Variants in TYW3 observed in about 807,000 individuals in gnomAD.
TYW3 encodes the protein tRNA-yW synthesizing protein 3 homolog.
Under a neutral mutation model 23.1 loss-of-function variants are expected in TYW3, and 26 were observed. That is an observed-to-expected ratio of 1.13 (90% confidence interval 0.83 to 1.56). The LOEUF (loss-of-function observed/expected upper bound fraction) is 1.56. TYW3 is among the 40% of genes most tolerant of loss of function. TYW3 has a pLI of 0.00. For missense variants in TYW3, 316 were observed against 311.9 expected, an observed-to-expected ratio of 1.01 and a Z score of -0.10; for synonymous variants, 102 against 105.7, an observed-to-expected ratio of 0.97 and a Z score of 0.21.
rs760313363 is a variant in TYW3 at position 74,733,263 on chromosome 1, T to A, written c.19T>A (p.Phe7Ile). ...GTCACCCATGGATCGCAGCGCGGAG[T>A]TCAGGAAATGGAAGGCGCAATGTTT... MDRSAEFRKWKAQCLSK... is the reference protein window; with the variant it reads MDRSAEIRKWKAQCLSK... The change falls in exon 1 of 6, where the codon TTC becomes ATC. Residue 7 changes from phenylalanine to isoleucine, a missense_variant. By Grantham distance (21) the Phe-to-Ile change is conservative. Transcript: ENST00000370867. 1 of 1,613,668 alleles carries A rather than the reference T, an allele frequency of 6.2e-7. No homozygotes were observed. The highest frequency in any genetic ancestry group is 8.5e-7 in the Non-Finnish European group (1 of 1,179,916).
chr1:74,745,383 TCCATTTTACAGAGTGCTGATTGGC>T (rs1342741286), intron 3 of TYW3, among the ~76,000 whole-genome samples: 4 of 152,150 alleles, frequency 2.6e-5, no homozygotes, highest in South Asian at 4.1e-4. Context: ...AGCTGATTGG[TCCATTTTACAGAGTGCTGATTGGC>T]CCATTTTACA....
intron 5 of TYW3, among the ~76,000 whole-genome samples, chr1:74,753,398 C>G (rs541369588): frequency 1.3e-5 from 2 of 152,274 alleles, no homozygotes; most frequent in South Asian, 4.2e-4. Context: ...ATTCCTGTTG[C>G]TTAACTTGCC....
chr1:74,746,727 AG>A (rs1648578155), intron 3 of TYW3, among the ~76,000 whole-genome samples: 1 of 152,216 alleles, frequency 6.6e-6, no homozygotes, highest in Non-Finnish European at 1.5e-5. Context: ...CTAGAGAGTC[AG>A]GGGAGAGCTG....
At chr1:74,754,174 TTC>T (rs1040844067) in intron 5 of TYW3, among the ~76,000 whole-genome samples, 2 of 152,228 alleles carry the variant, frequency 1.3e-5, no homozygotes, top group African/African-American at 2.4e-5. Flanking sequence ...CAAATCAGTT[TTC>T]TCTGTTTCCT....
At chr1:74,735,612 C>CCAG (rs781126012) in intron 1 of TYW3, among the ~76,000 whole-genome samples, 29 of 152,200 alleles carry the variant, frequency 1.9e-4, no homozygotes, top group Non-Finnish European at 3.5e-4. Context: ...TAAGATGAAG[C>CCAG]CAGCGATGGC....
chr1:74,738,896 G>T, intron 3 of TYW3, 108 bp downstream of exon 3: 1 of 619,460 alleles, frequency 1.6e-6, no homozygotes, highest in Non-Finnish European at 2.6e-6. Flanking sequence ...TATTCAACTA[G>T]TTATGTATAT....
At chr1:74,761,193 ACT>A (rs1212723102) in intron 5 of TYW3, among the ~76,000 whole-genome samples, 1 of 152,054 alleles carries the variant, frequency 6.6e-6, no homozygotes, top group Non-Finnish European at 1.5e-5. Context: ...CTTACTGAGT[ACT>A]GTTTCTCAAA....
chr1:74,761,959 G>A (rs61524157), intron 5 of TYW3, among the ~76,000 whole-genome samples: 9,183 of 152,120 alleles, frequency 0.06, 343 homozygotes, highest in African/African-American at 0.09. Flanking sequence ...ACGGAAGGAT[G>A]TAAAGGGTGC....
At chr1:74,763,798 C>G in intron 5 of TYW3, 96 bp from the exon 6 acceptor site, 9 of 837,030 alleles carry the variant, frequency 1.1e-5, no homozygotes, top group Non-Finnish European at 1.7e-5. Context: ...TAATATGGGA[C>G]ATAGTCAAAT....
At chr1:74,763,272 C>T (rs967975375) in intron 5 of TYW3, among the ~76,000 whole-genome samples, 1 of 152,006 alleles carries the variant, frequency 6.6e-6, no homozygotes, top group Admixed American at 6.6e-5. Flanking sequence ...TGGCTAAAAA[C>T]TCACATCACA....
chr1:74,751,867 A>AG lies in TYW3; in HGVS notation c.427-424dup, dbSNP rs1300097948. 3.3e-5 allele frequency among the ~76,000 whole-genome samples: 5 copies of AG among 152,304 alleles called. No homozygotes were observed. In the East Asian group the frequency reaches 7.7e-4, roughly 24 times the overall value. On this transcript the variant is annotated intron_variant, in intron 4 of 5. Coordinates refer to ENST00000370867, the MANE Select transcript of TYW3 (RefSeq NM_138467.3). Reference sequence around the variant, plus strand: ...CTCCTGTGTATGATAGAGGAGGCATAGTTTACTCTTGTAACTGTGCTCTGC... The same window carrying AG: ...CTCCTGTGTATGATAGAGGAGGCATAGGTTTACTCTTGTAACTGTGCTCTGC...
Position 74,733,371 on chromosome 1 carries a change from T to C in TYW3, c.127T>C (p.Phe43Leu), listed in dbSNP as rs764267872. ...GCAGTTTCTGAACATGCGAGATCAGTTTTTCACCACCAGCTCCTGCGCTGG... is the reference window on the plus strand; with the variant it reads ...GCAGTTTCTGAACATGCGAGATCAGCTTTTCACCACCAGCTCCTGCGCTGG... Reference protein sequence around the residue: ...LVQFLNMRDQFFTTSSCAGRI... With the variant: ...LVQFLNMRDQLFTTSSCAGRI... Residue 43 changes from phenylalanine to leucine, a missense_variant, in exon 1 of 6, where the codon TTT (phenylalanine) becomes CTT (leucine). Physicochemically the swap from Phe to Leu is conservative, Grantham distance 22. Transcript: ENST00000370867. The C allele has an allele frequency of 6.2e-7, 1 of 1,614,098 alleles. No individual in the cohort carries two copies. The highest frequency in any genetic ancestry group is 8.5e-7 in the Non-Finnish European group (1 of 1,180,012).
In TYW3 at chr1:74,764,995, A is replaced by G. The variant is rs1221480333; in HGVS notation, c.*882A>G. ...CATGGAGGTAGACAGTGTTTCCTTA[A>G]TATGGCTGCATATCAGAATTACCTA... On this transcript the variant is annotated 3_prime_UTR_variant, in exon 6 of 6. Transcript: ENST00000370867. The G allele has an allele frequency of 6.6e-6, 1 of 152,168 alleles. No homozygotes were observed. Among genetic ancestry groups the G allele is most frequent in the African/African-American group, 2.4e-5 (1 of 41,460 alleles). The allele number at this position is 152,168 out of a possible 1,614,324, so 9.4% of individuals were successfully genotyped here. A position where few individuals can be genotyped will look rare whatever the true frequency, so the allele number is the denominator to read the frequency against.
intron 1 of TYW3, 98 bp from the exon 2 acceptor site, chr1:74,736,444 A>T (rs1341504902): frequency 2.5e-6 from 2 of 792,408 alleles, no homozygotes; most frequent in African/African-American, 3.6e-5. Flanking sequence ...CTGACTTGGG[A>T]TTATTAATTT....
intron 3 of TYW3, among the ~76,000 whole-genome samples, chr1:74,743,994 C>T (rs1276440600): frequency 6.6e-6 from 1 of 152,104 alleles, no homozygotes; most frequent in Non-Finnish European, 1.5e-5. Context: ...GACATGTACC[C>T]AAGTTGGGCC....
chr1:74,765,959 T>G lies in TYW3; in HGVS notation c.*1846T>G, dbSNP rs1649293950. ...AAACCTAAGAAGACATTGAATCCCA[T>G]TCACTCCTTAACATTCCTTAATATA... On this transcript the variant is annotated 3_prime_UTR_variant, in exon 6 of 6. Transcript: ENST00000370867. 1 of 152,174 alleles carries G rather than the reference T, an allele frequency of 6.6e-6. No homozygotes were observed. Among genetic ancestry groups the G allele is most frequent in the East Asian group, 1.9e-4 (1 of 5,182 alleles). The allele number at this position is 152,174 out of a possible 1,614,324, so 9.4% of individuals were successfully genotyped here.
At chr1:74,762,147 G>C (rs1367542024) in intron 5 of TYW3, among the ~76,000 whole-genome samples, 1 of 152,122 alleles carries the variant, frequency 6.6e-6, no homozygotes, top group Non-Finnish European at 1.5e-5. Context: ...GGTGTACAGT[G>C]ATGAGTGCAT....
intron 3 of TYW3, among the ~76,000 whole-genome samples, chr1:74,743,743 C>T (rs918680116): frequency 2.0e-5 from 3 of 152,132 alleles, no homozygotes; most frequent in African/African-American, 7.2e-5. Flanking sequence ...TCCCTTTCTT[C>T]GGCTGTCATT....
At chr1:74,746,607 T>G (rs561580388) in intron 3 of TYW3, among the ~76,000 whole-genome samples, 1 of 152,320 alleles carries the variant, frequency 6.6e-6, no homozygotes, top group Admixed American at 6.5e-5. Flanking sequence ...GGTCCTTACC[T>G]AAGGAGCTTA....
Sources: gnomAD v4.1 joint callset for allele counts (sites outside exome capture counted in the v4.1 genomes callset) on GRCh38, gnomAD v4.1.1 for gene constraint, MANE v1.5 for transcripts, NCBI Gene and HGNC (gene_info 2026-07-23, HGNC 2026-07-21) for gene names.